The following TLE1 variants were observed in gnomAD, a reference collection of about 807,000 sequenced individuals.
TLE1 encodes the protein transducin-like enhancer protein 1.
A neutral mutation model predicts 89.8 loss-of-function variants in TLE1; 21 were observed. The ratio of observed to expected loss-of-function variants is 0.23; its 90% CI spans 0.17 to 0.34. TLE1 has a LOEUF of 0.34. Among genes scored for constraint, TLE1 ranks in the 10% least tolerant of loss-of-function variants. The pLI, the probability that TLE1 is intolerant of heterozygous loss-of-function variation, is 1.00. For synonymous variants in TLE1, 447 were observed against 407.6 expected (o/e 1.10, Z -1.16); for missense variants, 795 against 1,031.2 (o/e 0.77, Z 3.14).
At chr9:81,680,650 G>T (rs1182530289) in intron 4 of TLE1, among the ~76,000 whole-genome samples, 2 of 152,110 alleles carry the variant, frequency 1.3e-5, no homozygotes, top group Non-Finnish European at 2.9e-5. Flanking sequence ...TTGCTGATAA[G>T]AAACAAAGGC....
chr9:81,671,506 G>A (rs775921058), intron 4 of TLE1, among the ~76,000 whole-genome samples: 2 of 151,952 alleles, frequency 1.3e-5, no homozygotes, highest in Admixed American at 6.5e-5. Flanking sequence ...TTAGCAGGGC[G>A]TGGTGGCATG....
chr9:81,584,059 C>T lies in TLE1; in HGVS notation c.*139G>A. ...GGACTTGTCGCCTCCTCTTTGTAGA[C>T]TCAAAGTAGTTTTCTGTCAAGGTTT... On this transcript the variant is annotated 3_prime_UTR_variant, in exon 20 of 20. Coordinates refer to ENST00000376499, the MANE Select transcript of TLE1 (RefSeq NM_005077.5). 1.4e-6 allele frequency: 1 copy of T among 725,410 alleles called. No homozygotes were observed. The highest frequency in any genetic ancestry group is 1.8e-5 in the South Asian group (1 of 54,670). 44.9% of individuals were successfully genotyped at this position (725,410 alleles called of 1,614,324 possible). A position where few individuals can be genotyped will look rare whatever the true frequency, so the allele number is the denominator to read the frequency against.
intron 5 of TLE1, among the ~76,000 whole-genome samples, chr9:81,653,021 C>T (rs1042870005): frequency 6.6e-6 from 1 of 152,022 alleles, no homozygotes; most frequent in Non-Finnish European, 1.5e-5. Flanking sequence ...CCAACTCCAC[C>T]CACAAATAAA....
At chr9:81,584,966 C>T (rs1297823304) in intron 18 of TLE1, among the ~76,000 whole-genome samples, 1 of 11,278 alleles carries the variant, frequency 8.9e-5, no homozygotes, top group African/African-American at 2.3e-4. Context: ...ACTCATCCAC[C>T]CATCCATCCA....
intron 4 of TLE1, among the ~76,000 whole-genome samples, chr9:81,681,564 G>GA (rs1203793074): frequency 5.7e-5 from 8 of 140,506 alleles, no homozygotes; most frequent in Non-Finnish European, 1.1e-4. Context: ...AAAAAAAAAA[G>GA]AAAAAAAATT....
At chr9:81,683,884 C>G (rs1833928163) in intron 4 of TLE1, among the ~76,000 whole-genome samples, 1 of 152,104 alleles carries the variant, frequency 6.6e-6, no homozygotes, top group Non-Finnish European at 1.5e-5. Flanking sequence ...GCTTCTGACC[C>G]ACTTCACCCC....
At chr9:81,666,807 A>ATAAATAAG (rs1257499280) in intron 4 of TLE1, among the ~76,000 whole-genome samples, 3 of 151,244 alleles carry the variant, frequency 2.0e-5, no homozygotes, top group Non-Finnish European at 4.4e-5. Context: ...AAATAAATAA[A>ATAAATAAG]TAAAATAAAA....
intron 9 of TLE1, among the ~76,000 whole-genome samples, chr9:81,617,183 A>G (rs1174014240): frequency 6.6e-6 from 1 of 151,928 alleles, no homozygotes; most frequent in African/African-American, 2.4e-5. Context: ...TGGATCGAAT[A>G]AGCAAACAAA....
intron 4 of TLE1, among the ~76,000 whole-genome samples, chr9:81,676,866 T>G (rs557174228): frequency 6.6e-6 from 1 of 152,346 alleles, no homozygotes; most frequent in South Asian, 2.1e-4. Context: ...TGTGCTGACA[T>G]TTCATTTTAC....
intron 4 of TLE1, among the ~76,000 whole-genome samples, chr9:81,678,747 T>C (rs2133077009): frequency 6.6e-6 from 1 of 151,990 alleles, no homozygotes; most frequent in African/African-American, 2.4e-5. Flanking sequence ...CCTACATACC[T>C]GTAATCCCGG....
chr9:81,591,897 C>A (rs1274929670), intron 15 of TLE1, among the ~76,000 whole-genome samples: 2 of 152,106 alleles, frequency 1.3e-5, no homozygotes, highest in African/African-American at 4.8e-5. Flanking sequence ...TTTGGAAACA[C>A]CTTCTCTGGA....
chr9:81,603,509 G>A (rs1831221514), intron 14 of TLE1, among the ~76,000 whole-genome samples: 1 of 152,088 alleles, frequency 6.6e-6, no homozygotes, highest in Non-Finnish European at 1.5e-5. Flanking sequence ...ACCAGAAACA[G>A]AAGAACAGCC....
intron 4 of TLE1, among the ~76,000 whole-genome samples, chr9:81,678,103 G>A (rs1475833961): frequency 6.6e-6 from 1 of 152,146 alleles, no homozygotes; most frequent in African/African-American, 2.4e-5. Context: ...AAAATAAATA[G>A]CTGTTTTTTA....
chr9:81,621,142 G>A (rs893835399), intron 8 of TLE1, among the ~76,000 whole-genome samples: 2 of 152,136 alleles, frequency 1.3e-5, no homozygotes, highest in Non-Finnish European at 2.9e-5. Context: ...TAAGATCTAA[G>A]GGGGGAATTT....
At chr9:81,680,248 C>G (rs936873078) in intron 4 of TLE1, among the ~76,000 whole-genome samples, 1 of 152,096 alleles carries the variant, frequency 6.6e-6, no homozygotes, top group Non-Finnish European at 1.5e-5. Flanking sequence ...TAAATGACTT[C>G]AATGAACTAC....
Position 81,648,517 on chromosome 9 carries a change from ATG to A in TLE1, c.372+3695_372+3696del, listed in dbSNP as rs1829151182. On this transcript the variant is annotated intron_variant, in intron 6 of 19. Transcript: ENST00000376499. ...TACATCAACTGAAAAAAACAAATATATGTGTGTACAGATATGTATCTCTCTAT... is the reference window on the plus strand; with the variant it reads ...TACATCAACTGAAAAAAACAAATATATGTGTACAGATATGTATCTCTCTAT... 1.3e-5 allele frequency among the ~76,000 whole-genome samples: 2 copies of A among 152,166 alleles called. 1 individual carries two copies. Among genetic ancestry groups the A allele is most frequent in the South Asian group, 4.1e-4 (2 of 4,832 alleles).
chr9:81,600,114 C>T (rs759310426), intron 14 of TLE1: 4 of 744,418 alleles, frequency 5.4e-6, no homozygotes. Context: ...AGGAACAAGG[C>T]TCCTAAACAG....
chr9:81,685,760 T>G (rs1834186317), intron 3 of TLE1, 40 bp from the exon 4 acceptor site: 2 of 1,612,268 alleles, frequency 1.2e-6, no homozygotes, highest in East Asian at 4.5e-5. Context: ...CATTAACTCA[T>G]GTTTTTTACA....
At chr9:81,656,265 G>A (rs1196919593) in intron 4 of TLE1, among the ~76,000 whole-genome samples, 1 of 152,136 alleles carries the variant, frequency 6.6e-6, no homozygotes, top group Non-Finnish European at 1.5e-5. Context: ...GCATGGGCAA[G>A]GCTTTCCTTT....
Sources: allele counts gnomAD v4.1 joint callset (sites outside exome capture counted in the v4.1 genomes callset), GRCh38; gene constraint gnomAD v4.1.1; transcripts MANE v1.5; gene names NCBI Gene and HGNC (gene_info 2026-07-23, HGNC 2026-07-21).